ASB11: variants seen among roughly 807,000 people sequenced by gnomAD.
ASB11 encodes ankyrin repeat and SOCS box containing 11.
ASB11 carries 17 observed loss-of-function variants against 20.1 expected under a neutral mutation model. The ratio of observed to expected loss-of-function variants is 0.85; its 90% CI spans 0.58 to 1.27. The LOEUF (loss-of-function observed/expected upper bound fraction) is 1.27. Among genes scored for constraint, ASB11 ranks in the 50% most tolerant of loss-of-function variants. The pLI, the probability that ASB11 is intolerant of heterozygous loss-of-function variation, is 0.00. For synonymous variants in ASB11, 107 were observed against 105.6 expected, an observed-to-expected ratio of 1.01 and a Z score of -0.08; for missense variants, 259 against 256.9, an observed-to-expected ratio of 1.01 and a Z score of -0.06.
rs935927074 is a variant in ASB11, at chrX:15,282,849, C to T, written c.*656G>A. Reference sequence around the variant, plus strand: ...TATATATAACTTTATATATAAAGAACTTTGAAAACATATATATATAAGCTT... The same window carrying T: ...TATATATAACTTTATATATAAAGAATTTTGAAAACATATATATATAAGCTT... On this transcript the variant is annotated 3_prime_UTR_variant, in exon 7 of 7. Transcript: ENST00000480796. 3.8e-5 allele frequency: 4 copies of T among 105,199 alleles called. No homozygotes were observed. Among genetic ancestry groups the T allele is most frequent in the Non-Finnish European group, 7.7e-5 (4 of 51,666 alleles). The allele number at this position is 105,199 out of a possible 1,213,427, so 8.7% of individuals were successfully genotyped here.
intron 2 of ASB11, among the ~76,000 whole-genome samples, chrX:15,300,060 G>T (rs1156823626): frequency 8.9e-6 from 1 of 112,291 alleles, no homozygotes; most frequent in Admixed American, 9.4e-5. Context: ...TTCAAACTGG[G>T]CATCTAATAA....
chrX:15,299,566 T>G (rs1921006489), intron 2 of ASB11, among the ~76,000 whole-genome samples: 1 of 111,096 alleles, frequency 9.0e-6, no homozygotes, highest in Non-Finnish European at 1.9e-5. Flanking sequence ...AAGGTCTGTG[T>G]TGATGTTAAA....
intron 6 of ASB11, among the ~76,000 whole-genome samples, chrX:15,285,023 T>A (rs1428335264): frequency 8.9e-6 from 1 of 111,765 alleles, no homozygotes; most frequent in Non-Finnish European, 1.9e-5. Flanking sequence ...AATAGAAAAC[T>A]TCTTTACCTG....
At chrX:15,287,430 G>C (rs1248252543) in intron 6 of ASB11, among the ~76,000 whole-genome samples, 2 of 112,576 alleles carry the variant, frequency 1.8e-5, no homozygotes, top group Non-Finnish European at 3.8e-5. Context: ...AGGTTCAAGC[G>C]ATTCTCCTGC....
chrX:15,311,366 G>C (rs1921426289), intron 1 of ASB11, among the ~76,000 whole-genome samples: 1 of 112,440 alleles, frequency 8.9e-6, no homozygotes, highest in Non-Finnish European at 1.9e-5. Context: ...CCAAGGACTG[G>C]TTGTCCCAAC....
At chrX:15,301,207 C>T (rs1197630546) in intron 2 of ASB11, among the ~76,000 whole-genome samples, 3 of 110,405 alleles carry the variant, frequency 2.7e-5, no homozygotes, top group African/African-American at 6.8e-5. Flanking sequence ...AGGTGATCCA[C>T]CCACCTTGGC....
intron 1 of ASB11, among the ~76,000 whole-genome samples, chrX:15,304,827 A>AT (rs1437553042): frequency 8.9e-6 from 1 of 111,947 alleles, no homozygotes. Flanking sequence ...GTGAGCTAAG[A>AT]TTATGCCACT....
At chrX:15,297,307 A>AC (rs1197576660) in intron 3 of ASB11, among the ~76,000 whole-genome samples, 9 of 111,428 alleles carry the variant, frequency 8.1e-5, no homozygotes, top group African/African-American at 3.0e-4. Context: ...AACAAAACAA[A>AC]ACAAAAAAAA....
intron 3 of ASB11, among the ~76,000 whole-genome samples, chrX:15,293,897 GA>G (rs1927597805): frequency 1.4e-5 from 1 of 73,287 alleles, no homozygotes; most frequent in Admixed American, 1.8e-4. Flanking sequence ...GGGGTGGGGG[GA>G]GGGGGGAGGG....
intron 6 of ASB11, among the ~76,000 whole-genome samples, chrX:15,287,471 C>T (rs1200661869): frequency 8.9e-6 from 1 of 112,287 alleles, no homozygotes; most frequent in Admixed American, 9.4e-5. Flanking sequence ...GAACTACAGG[C>T]GCCAGCCACC....
chrX:15,294,882 T>TTC (rs5901555), intron 3 of ASB11, among the ~76,000 whole-genome samples: 43,648 of 110,142 alleles, frequency 0.4, 6,254 homozygotes, highest in South Asian at 0.57. Flanking sequence ...TCCTATAAAT[T>TTC]TCTCTTAGTT....
chrX:15,285,592 G>A (rs1442669583), intron 6 of ASB11, among the ~76,000 whole-genome samples: 1 of 112,207 alleles, frequency 8.9e-6, no homozygotes, highest in Non-Finnish European at 1.9e-5. Flanking sequence ...ATAAACTATA[G>A]TCTCTGCTAA....
intron 2 of ASB11, among the ~76,000 whole-genome samples, chrX:15,298,898 G>A (rs1306703156): frequency 3.4e-4 from 38 of 111,421 alleles, no homozygotes; most frequent in Non-Finnish European, 6.8e-4. Context: ...CCTAGAGTCC[G>A]GGGCCAGCGG....
chrX:15,283,778 C>T (rs1927264314), intron 6 of ASB11, 149 bp from the exon 7 acceptor site: 1 of 613,515 alleles, frequency 1.6e-6, no homozygotes. Context: ...GTAGCGGACA[C>T]TAAATACAGA....
chrX:15,315,503 G>A lies in ASB11; in HGVS notation c.103C>T (p.Leu35=). The change falls in exon 1 of 7, where the codon CTA becomes TTA. Residue 35 remains leucine (L), a synonymous_variant. Transcript: ENST00000480796. ...CCTTTGACGATATAGAAATGGGTTAGGAGAGCCAAAAAAACTTTAATTAAA... is the reference window on the plus strand; with the variant it reads ...CCTTTGACGATATAGAAATGGGTTAAGAGAGCCAAAAAAACTTTAATTAAA... ...KLLIKVFLAL[L]THFYIVKGNR... is the part of the protein sequence containing the mutation. 1 of 1,194,605 alleles carries A rather than the reference G, an allele frequency of 8.4e-7. No homozygotes were observed.
intron 3 of ASB11, among the ~76,000 whole-genome samples, chrX:15,295,154 T>C (rs1435018352): frequency 9.0e-6 from 1 of 111,498 alleles, no homozygotes; most frequent in African/African-American, 3.3e-5. Context: ...GAGATTCTGC[T>C]GCCTTAGGCT....
intron 4 of ASB11, among the ~76,000 whole-genome samples, chrX:15,291,210 A>G (rs1317259126): frequency 3.6e-5 from 4 of 111,524 alleles, no homozygotes; most frequent in Non-Finnish European, 1.9e-5. Flanking sequence ...ACAGTACAGA[A>G]AAATATACAG....
intron 1 of ASB11, among the ~76,000 whole-genome samples, chrX:15,309,977 A>AAAAAAAAAAAAAAAAAC: frequency 9.7e-6 from 1 of 103,054 alleles, no homozygotes; most frequent in Non-Finnish European, 2.0e-5. Context: ...CAAAAAAAAA[A>AAAAAAAAAAAAAAAAAC]AAAAAAAAAA....
At chrX:15,304,555 G>A (rs192794717) in intron 1 of ASB11, among the ~76,000 whole-genome samples, 1 of 112,367 alleles carries the variant, frequency 8.9e-6, no homozygotes, top group Admixed American at 9.4e-5. Flanking sequence ...TCTGGGCCAG[G>A]TAAAATACAA....
Sources: allele counts gnomAD v4.1 joint callset (sites outside exome capture counted in the v4.1 genomes callset), GRCh38; gene constraint gnomAD v4.1.1; transcripts MANE v1.5; gene names NCBI Gene and HGNC (gene_info 2026-07-23, HGNC 2026-07-21).